GALNT13: variants seen among roughly 807,000 people sequenced by gnomAD.
GALNT13 encodes UDP-GalNAc:polypeptide N-acetylgalactosaminyltransferase 13.
Under a neutral mutation model 64.2 loss-of-function variants are expected in GALNT13, and 28 were observed. The ratio of observed to expected loss-of-function variants is 0.44; its 90% CI spans 0.32 to 0.60. GALNT13 has a LOEUF of 0.60. GALNT13 is among the 20% of genes least tolerant of loss of function. The probability of loss-of-function intolerance (pLI) is 0.05; values close to 1 mark genes in which losing one functional copy is unlikely to be tolerated. For synonymous variants in GALNT13, 214 were observed against 224.6 expected (o/e 0.95, Z 0.42); for missense variants, 577 against 669.8 (o/e 0.86, Z 1.53).
the GALNT13 span, among the ~76,000 whole-genome samples, chr2:153,863,224 T>C: frequency 3.9e-5 from 6 of 152,298 alleles, no homozygotes; most frequent in African/African-American, 1.2e-4. Flanking sequence ...TTGAATGAGA[T>C]AGGTGAAGCA....
intron 4 of GALNT13, among the ~76,000 whole-genome samples, chr2:154,198,150 TTACA>T (rs1192495813): frequency 6.6e-6 from 1 of 152,110 alleles, no homozygotes; most frequent in Admixed American, 6.6e-5. Context: ...TAAAATGATT[TTACA>T]TGTTGTTTAG....
rs565899505 is a variant in GALNT13 at position 154,052,903 on chromosome 2, A to AT, written c.143-87427dup. Among the ~76,000 whole-genome samples, 1,162 of 151,424 alleles carry AT rather than the reference A, an allele frequency of 7.7e-3. 15 individuals carry two copies. Among genetic ancestry groups the AT allele is most frequent in the African/African-American group, 0.027 (1,100 of 41,322 alleles). On this transcript the variant is annotated intron_variant, in intron 3 of 12. Coordinates refer to ENST00000392825, the MANE Select transcript of GALNT13 (RefSeq NM_052917.4). ...AGGCGCCCGCCACCATGCCCGGCTA[A>AT]TTTTTTTGTATTTTTAGTAGAGAGG...
At chr2:154,166,520 C>T (rs569830317) in intron 4 of GALNT13, among the ~76,000 whole-genome samples, 3 of 152,356 alleles carry the variant, frequency 2.0e-5, no homozygotes, top group East Asian at 1.9e-4. Flanking sequence ...CACTTTTACA[C>T]TGTTGGTAGG....
chr2:153,410,787 T>C, the GALNT13 span, among the ~76,000 whole-genome samples: 3 of 152,010 alleles, frequency 2.0e-5, no homozygotes, highest in African/African-American at 7.2e-5. Flanking sequence ...AGTGTATTGA[T>C]TATATAGTGT....
chr2:153,979,034 A>G (rs1454101094), intron 3 of GALNT13, among the ~76,000 whole-genome samples: 1 of 152,184 alleles, frequency 6.6e-6, no homozygotes, highest in African/African-American at 2.4e-5. Flanking sequence ...ATTATGTTAC[A>G]TCTACAGAAA....
the GALNT13 span, among the ~76,000 whole-genome samples, chr2:153,794,764 C>G: frequency 6.6e-6 from 1 of 152,120 alleles, no homozygotes; most frequent in South Asian, 2.1e-4. Flanking sequence ...CGTGATCCAC[C>G]CGCCTTGGCC....
At chr2:153,265,816 G>A in the GALNT13 span, among the ~76,000 whole-genome samples, 25 of 152,110 alleles carry the variant, frequency 1.6e-4, no homozygotes, top group Admixed American at 6.6e-4. Context: ...AAGATGCTAT[G>A]AGTATTGTTG....
chr2:154,290,637 C>T (rs528660656), intron 8 of GALNT13, among the ~76,000 whole-genome samples: 2 of 152,324 alleles, frequency 1.3e-5, no homozygotes, highest in South Asian at 4.1e-4. Context: ...TGGGCCAATC[C>T]TCAGTGCTAT....
chr2:154,284,897 A>T (rs1464279773), intron 8 of GALNT13, among the ~76,000 whole-genome samples: 2 of 152,120 alleles, frequency 1.3e-5, no homozygotes, highest in Admixed American at 1.3e-4. Flanking sequence ...ACTTATTATC[A>T]TTCATCTTTT....
At chr2:154,061,931 C>T (rs182549652) in intron 3 of GALNT13, among the ~76,000 whole-genome samples, 15 of 152,224 alleles carry the variant, frequency 9.9e-5, no homozygotes, top group Non-Finnish European at 1.5e-4. Flanking sequence ...GGCCTTTGTA[C>T]GTTCAAATCT....
chr2:153,563,660 C>T, the GALNT13 span, among the ~76,000 whole-genome samples: 1 of 151,742 alleles, frequency 6.6e-6, no homozygotes, highest in African/African-American at 2.4e-5. Context: ...CTTGGTACCT[C>T]CCCTCATCTA....
chr2:153,736,732 T>A, the GALNT13 span, among the ~76,000 whole-genome samples: 1 of 152,212 alleles, frequency 6.6e-6, no homozygotes, highest in African/African-American at 2.4e-5. Flanking sequence ...AGGGTTCATT[T>A]TACATTTTAC....
At chr2:154,282,794 G>T (rs1224232935) in intron 8 of GALNT13, among the ~76,000 whole-genome samples, 1 of 152,110 alleles carries the variant, frequency 6.6e-6, no homozygotes, top group Non-Finnish European at 1.5e-5. Flanking sequence ...CCACTTAAAG[G>T]CTACAATAAC....
chr2:154,303,980 A>T (rs939013008), intron 9 of GALNT13, among the ~76,000 whole-genome samples: 9 of 151,900 alleles, frequency 5.9e-5, no homozygotes, highest in Non-Finnish European at 8.8e-5. Context: ...CTGGTCTCGA[A>T]CTCCTGACTT....
intron 4 of GALNT13, among the ~76,000 whole-genome samples, chr2:154,215,827 A>G (rs540517254): frequency 6.6e-6 from 1 of 152,212 alleles, no homozygotes; most frequent in African/African-American, 2.4e-5. Flanking sequence ...AAAATAATAA[A>G]TTTACAGTGC....
chr2:153,623,417 C>G, the GALNT13 span, among the ~76,000 whole-genome samples: 1 of 152,030 alleles, frequency 6.6e-6, no homozygotes, highest in Non-Finnish European at 1.5e-5. Context: ...CACTTGGCAT[C>G]AAATCTTCTT....
the GALNT13 span, among the ~76,000 whole-genome samples, chr2:153,648,526 A>G: frequency 8.0e-4 from 121 of 152,152 alleles, 3 homozygotes; most frequent in Middle Eastern, 0.02. Flanking sequence ...GTGAGAGAGG[A>G]CATCCCTGTC....
At chr2:154,139,328 T>C (rs1683125583) in intron 3 of GALNT13, among the ~76,000 whole-genome samples, 1 of 151,776 alleles carries the variant, frequency 6.6e-6, no homozygotes, top group Non-Finnish European at 1.5e-5. Context: ...AAAAATTATT[T>C]TCATATGCAT....
chr2:154,297,437 G>C (rs113914550), intron 8 of GALNT13, among the ~76,000 whole-genome samples: 1 of 152,270 alleles, frequency 6.6e-6, no homozygotes, highest in East Asian at 1.9e-4. Flanking sequence ...AGGTCAGAAA[G>C]GTGGGGTCCT....
Sources: allele counts gnomAD v4.1 joint callset (sites outside exome capture counted in the v4.1 genomes callset), GRCh38; gene constraint gnomAD v4.1.1; transcripts MANE v1.5; gene names NCBI Gene and HGNC (gene_info 2026-07-23, HGNC 2026-07-21).